HIVEP3: variants seen among roughly 807,000 people sequenced by gnomAD.
HIVEP3 encodes the protein transcription factor HIVEP3.
Under a neutral mutation model 152.8 loss-of-function variants are expected in HIVEP3, and 49 were observed. The ratio of observed to expected loss-of-function variants is 0.32; its 90% CI spans 0.26 to 0.41. The LOEUF (loss-of-function observed/expected upper bound fraction) is 0.41, where lower values mean the gene tolerates loss of function less well. HIVEP3 is among the 10% of genes least tolerant of loss of function. The probability of loss-of-function intolerance (pLI) is 1.00; values close to 1 mark genes in which losing one functional copy is unlikely to be tolerated. For synonymous variants in HIVEP3, 1,269 were observed against 1,289.0 expected (o/e 0.98, Z 0.33); for missense variants, 2,790 against 3,103.3 (o/e 0.90, Z 2.40).
At chr1:41,535,876 A>G (rs1410257822) in intron 5 of HIVEP3, 1 of 151,688 alleles carries the variant, frequency 6.6e-6, no homozygotes, top group Middle Eastern at 3.2e-3. Context: ...CCTGAAGAGC[A>G]GCACAGTATG....
intron 5 of HIVEP3, among the ~76,000 whole-genome samples, chr1:41,534,289 C>A (rs530526182): frequency 6.6e-6 from 1 of 152,160 alleles, no homozygotes; most frequent in African/African-American, 2.4e-5. Flanking sequence ...AGGCCCAGGG[C>A]ACCATCTGCC....
rs1442071768 is a variant in HIVEP3 at position 41,511,149 on chromosome 1, T to G, written c.6523A>C (p.Asn2175His). 6.2e-7 allele frequency: 1 copy of G among 1,613,978 alleles called. No homozygotes were observed. The highest frequency in any genetic ancestry group is 1.1e-5 in the South Asian group (1 of 91,066). ...TGCAGAGGCAGGTGGCTGAAGATGT[T>G]CTCCTCTGTCCGGGCCAGGATGTGG... ...HGHILARTEE[N>H]IFSHLPLHSQ... Residue 2175 changes from asparagine (N) to histidine (H), a missense_variant, in exon 9 of 9, where the codon AAC becomes CAC. Around this residue, in one of 9 missense-constraint regions of HIVEP3, gnomAD observed 816 missense variants for 806.5 expected, o/e 1.01. Transcript: ENST00000372583. This position sits in a 1 kb window ranked among gnomAD's most constrained non-coding sequence, Gnocchi z 4.9.
chr1:41,679,845 C>T (rs1646011669), intron 2 of HIVEP3, among the ~76,000 whole-genome samples: 1 of 152,224 alleles, frequency 6.6e-6, no homozygotes. Context: ...CCTCTACTCG[C>T]TTGCCACAGT....
intron 1 of HIVEP3, among the ~76,000 whole-genome samples, chr1:41,709,767 G>A (rs1023215388): frequency 6.6e-6 from 1 of 152,202 alleles, no homozygotes; most frequent in African/African-American, 2.4e-5. Flanking sequence ...AAGTTTAGGC[G>A]AGGGTGCAGC....
chr1:41,860,897 A>G (rs1260370822), intron 1 of HIVEP3, among the ~76,000 whole-genome samples: 1 of 152,258 alleles, frequency 6.6e-6, no homozygotes, highest in Non-Finnish European at 1.5e-5. Flanking sequence ...CAGAGCAGCG[A>G]AACTGGCAGC....
chr1:41,591,561 C>T (rs935018537), intron 3 of HIVEP3, among the ~76,000 whole-genome samples: 1 of 151,992 alleles, frequency 6.6e-6, no homozygotes, highest in African/African-American at 2.4e-5. Context: ...AAAATCATCA[C>T]GATCCTGGCA....
At chr1:42,034,376 A>G (rs1482326867) in intron 1 of HIVEP3, among the ~76,000 whole-genome samples, 1 of 152,224 alleles carries the variant, frequency 6.6e-6, no homozygotes, top group Non-Finnish European at 1.5e-5. Flanking sequence ...TTTCTAGTAA[A>G]TTGCTGCTTC....
At chr1:41,910,626 A>G (rs1196230980) in intron 1 of HIVEP3, among the ~76,000 whole-genome samples, 1 of 152,048 alleles carries the variant, frequency 6.6e-6, no homozygotes, top group Non-Finnish European at 1.5e-5. Context: ...AAAAAAACCT[A>G]GCAATGTATA....
chr1:41,948,878 A>T (rs1303850959), intron 1 of HIVEP3, among the ~76,000 whole-genome samples: 1 of 151,710 alleles, frequency 6.6e-6, no homozygotes, highest in Non-Finnish European at 1.5e-5. Context: ...GTGCCAAAAA[A>T]CCCCCTGCAC....
chr1:41,513,810 G>A (rs1323341690), intron 7 of HIVEP3, 60 bp from the exon 8 acceptor site: 8 of 1,368,424 alleles, frequency 5.8e-6, no homozygotes, highest in Middle Eastern at 1.9e-4. Context: ...CTGCCCACAC[G>A]GCTGCTCCTC....
chr1:41,624,753 A>G (rs1370749838), intron 3 of HIVEP3, among the ~76,000 whole-genome samples: 1 of 152,252 alleles, frequency 6.6e-6, no homozygotes, highest in African/African-American at 2.4e-5. Flanking sequence ...GATGCAAACC[A>G]GAATTCCCTT....
chr1:41,685,385 G>C (rs576181057), intron 2 of HIVEP3, among the ~76,000 whole-genome samples: 3 of 152,302 alleles, frequency 2.0e-5, no homozygotes, highest in Non-Finnish European at 4.4e-5. Flanking sequence ...AGAGCAAGGC[G>C]GGGAGGCTGC....
intron 2 of HIVEP3, among the ~76,000 whole-genome samples, chr1:41,678,730 T>C (rs1022958606): frequency 1.3e-5 from 2 of 152,198 alleles, no homozygotes; most frequent in African/African-American, 4.8e-5. Flanking sequence ...CCCTACCCGC[T>C]TGAGGCCAGG....
At chr1:41,685,722 C>G (rs142219738) in intron 2 of HIVEP3, among the ~76,000 whole-genome samples, 1 of 152,340 alleles carries the variant, frequency 6.6e-6, no homozygotes, top group East Asian at 1.9e-4. Flanking sequence ...TATACTTGAA[C>G]TTATTTGTTT....
At chr1:41,853,659 A>G (rs1394788101) in intron 1 of HIVEP3, among the ~76,000 whole-genome samples, 2 of 152,196 alleles carry the variant, frequency 1.3e-5, no homozygotes, top group East Asian at 3.9e-4. Context: ...CTTAAAAAAC[A>G]GAAGGATTTC....
chr1:41,805,450 GC>G (rs1156408487), intron 1 of HIVEP3, among the ~76,000 whole-genome samples: 1 of 152,216 alleles, frequency 6.6e-6, no homozygotes, highest in Non-Finnish European at 1.5e-5. Flanking sequence ...ATCTACACGT[GC>G]CCTTCCATGG....
intron 5 of HIVEP3, among the ~76,000 whole-genome samples, chr1:41,570,018 C>T (rs770468241): frequency 3.9e-5 from 6 of 152,146 alleles, no homozygotes; most frequent in Admixed American, 6.5e-5. Context: ...GCAGGTGGAC[C>T]GCCTCCCAGA....
intron 2 of HIVEP3, among the ~76,000 whole-genome samples, chr1:41,668,120 T>A (rs905306077): frequency 1.3e-5 from 2 of 152,126 alleles, no homozygotes; most frequent in Non-Finnish European, 2.9e-5. Flanking sequence ...ATTGATATAA[T>A]CCATGTGGCC....
intron 2 of HIVEP3, among the ~76,000 whole-genome samples, chr1:41,687,748 G>A (rs552804592): frequency 2.6e-5 from 4 of 152,322 alleles, no homozygotes; most frequent in African/African-American, 9.6e-5. Flanking sequence ...CTACCAAAAG[G>A]TGAAATCATT....
Sources: allele counts gnomAD v4.1 joint callset (sites outside exome capture counted in the v4.1 genomes callset), GRCh38; gene constraint gnomAD v4.1.1; regional missense constraint gnomAD v4.1.1; non-coding constraint Gnocchi (gnomAD v3.1); transcripts MANE v1.5; gene names NCBI Gene and HGNC (gene_info 2026-07-23, HGNC 2026-07-21).